Variants in ISCU observed in about 807,000 individuals in gnomAD.
ISCU encodes the protein iron-sulfur cluster assembly enzyme, also known as iron-sulfur cluster assembly enzyme ISCU.
ISCU carries 13 observed loss-of-function variants against 18.4 expected under a neutral mutation model. The ratio of observed to expected loss-of-function variants is 0.71; its 90% confidence interval spans 0.46 to 1.12. ISCU has a LOEUF of 1.12. ISCU is among the 50% of genes most tolerant of loss of function. ISCU has a pLI of 0.00. For synonymous variants in ISCU, 104 were observed against 87.5 expected, an observed-to-expected ratio of 1.19 and a Z score of -1.06; for missense variants, 229 against 208.7, an observed-to-expected ratio of 1.10 and a Z score of -0.60.
At position 108,567,002 on chromosome 12, in the gene ISCU, A is replaced by G. The variant is rs2075358; in HGVS notation, c.340-188A>G. On this transcript the variant is annotated intron_variant, in intron 3 of 4. Coordinates refer to ENST00000311893, the MANE Select transcript of ISCU (RefSeq NM_213595.4). The stretch of plus-strand genomic sequence containing the variant: ...CAGGCAGTGCAGCTGTGTATACTTC[A>G]TGCTTGAGAATCCCAGCTGCAGCTT... 0.23 allele frequency among the ~76,000 whole-genome samples: 34,314 copies of G among 152,108 alleles called. 4,239 individuals are homozygous for G. Among genetic ancestry groups the G allele is most frequent in the East Asian group, 0.49 (2,544 of 5,168 alleles).
In ISCU at chr12:108,562,660, C is replaced by T. The variant is rs751470117; in HGVS notation, c.38C>T (p.Ala13Val). 61 of 1,454,438 alleles carry T rather than the reference C, an allele frequency of 4.2e-5. No individual in the cohort carries two copies. In the East Asian group the frequency reaches 8.1e-4, roughly 19 times the overall value. The allele number at this position is 1,454,438 out of a possible 1,614,324, so 90.1% of individuals were successfully genotyped here. A position where few individuals can be genotyped will look rare whatever the true frequency, so the allele number is the denominator to read the frequency against. ...GGGGCTTTCCGTCTGAGGCGGGCGG[C>T]ATCGGCTCTGCTGCTGCGGAGCCCC... ...AAGAFRLRRA[A>V]SALLLRSPRL... Residue 13 changes from alanine to valine, a missense_variant, in exon 1 of 5, where the codon GCA becomes GTA. Transcript: ENST00000311893.
chr12:108,568,472 A>G, intron 4 of ISCU: 5 of 1,165,744 alleles, frequency 4.3e-6, no homozygotes, highest in Non-Finnish European at 5.3e-6. Flanking sequence ...GGCAAGAAGT[A>G]ACATTTCCTG....
intron 4 of ISCU, 167 bp downstream of exon 4, chr12:108,567,435 C>A: frequency 1.4e-6 from 1 of 737,688 alleles, no homozygotes; most frequent in Non-Finnish European, 2.4e-6. Context: ...CATGGTCTCA[C>A]ATTCATCCCT....
chr12:108,565,728 T>G (rs1269865981), intron 3 of ISCU, among the ~76,000 whole-genome samples: 4 of 152,244 alleles, frequency 2.6e-5, no homozygotes, highest in Non-Finnish European at 5.9e-5. Flanking sequence ...GCTCTTATAA[T>G]TTCTCAAGTC....
At position 108,562,633 on chromosome 12, in the gene ISCU, C is replaced by A. The variant is rs768035762; in HGVS notation, c.11C>A (p.Ala4Asp). 2 of 1,475,392 alleles carry A rather than the reference C, an allele frequency of 1.4e-6. No individual in the cohort carries two copies. Among genetic ancestry groups the A allele is most frequent in the Admixed American group, 2.3e-5 (1 of 43,498 alleles). 91.4% of individuals were successfully genotyped at this position (1,475,392 alleles called of 1,614,324 possible). MAA[A>D]GAFRLRRAAS... ...GCGCAAGCCGGCAAGATGGCGGCGGCTGGGGCTTTCCGTCTGAGGCGGGCG... is the reference window on the plus strand; with the variant it reads ...GCGCAAGCCGGCAAGATGGCGGCGGATGGGGCTTTCCGTCTGAGGCGGGCG... Residue 4 changes from alanine (A) to aspartate (D), a missense_variant, in exon 1 of 5, where the codon GCT becomes GAT. Ala to Asp is a moderately radical substitution (Grantham distance 126, BLOSUM62 -2). Transcript: ENST00000311893.
chr12:108,567,342 T>TTAGA (rs1592793803), intron 4 of ISCU, 74 bp downstream of exon 4: 1 of 1,230,936 alleles, frequency 8.1e-7, no homozygotes, highest in Middle Eastern at 1.9e-4. Context: ...AACAGTCCTT[T>TTAGA]TAGATCATGG....
chr12:108,569,032 C>A lies in ISCU; in HGVS notation c.*116C>A, dbSNP rs572917088. The A allele has an allele frequency of 3.7e-6, 3 of 809,640 alleles. No homozygotes were observed. Among genetic ancestry groups the A allele is most frequent in the South Asian group, 2.9e-5 (2 of 68,490 alleles). 50.2% of individuals were successfully genotyped at this position (809,640 alleles called of 1,614,324 possible). On this transcript the variant is annotated 3_prime_UTR_variant, in exon 5 of 5. Coordinates refer to ENST00000311893, the MANE Select transcript of ISCU (RefSeq NM_213595.4). ...CCACTGAAGAGCTATGAGATACGCA[C>A]AATACTTGCTGTTCACGTTATGACT... is the stretch of plus-strand genomic sequence containing the variant.
intron 4 of ISCU, chr12:108,568,263 G>C: frequency 1.7e-6 from 2 of 1,164,022 alleles, no homozygotes; most frequent in Non-Finnish European, 2.1e-6. Flanking sequence ...TGTCATTCCA[G>C]CTCTCTCAGT....
chr12:108,564,080 A>G (rs760639349), intron 1 of ISCU, 199 bp from the exon 2 acceptor site: 1 of 1,609,806 alleles, frequency 6.2e-7, no homozygotes, highest in South Asian at 1.1e-5. Flanking sequence ...TCTGTGAAGT[A>G]TTGTAGAGGA....
Position 108,569,052 on chromosome 12 carries a change from A to T in ISCU, c.*136A>T. ...ACGCACAATACTTGCTGTTCACGTT[A>T]TGACTCTCATGCAAGCAAAATACAC... On this transcript the variant is annotated 3_prime_UTR_variant, in exon 5 of 5. Coordinates refer to ENST00000311893, the MANE Select transcript of ISCU (RefSeq NM_213595.4). The T allele has an allele frequency of 1.3e-6, 1 of 742,458 alleles. No homozygotes were observed. Among genetic ancestry groups the T allele is most frequent in the Admixed American group, 2.2e-5 (1 of 45,104 alleles). The allele number at this position is 742,458 out of a possible 1,614,324, so 46.0% of individuals were successfully genotyped here.
intron 3 of ISCU, among the ~76,000 whole-genome samples, chr12:108,566,971 C>G (rs2030927787): frequency 6.6e-6 from 1 of 152,174 alleles, no homozygotes; most frequent in Non-Finnish European, 1.5e-5. Flanking sequence ...CTTTGCTTAC[C>G]CAAGCCAGGC....
chr12:108,568,807 CTT>C lies in ISCU; in HGVS notation c.419-23_419-22del. 1.9e-6 allele frequency: 3 copies of C among 1,606,140 alleles called. No individual in the cohort carries two copies. The Admixed American group carries it at 5.1e-5, about 27-fold the overall frequency. ...TTTCTTTCACATCTAGAAACTTAGG[CTT>C]CTTTCCTTCCGTTACTTCCAGTGCT... On this transcript the variant is annotated intron_variant, in intron 4 of 4. Transcript: ENST00000311893.
rs1197274092 is a variant in ISCU at position 108,565,356 on chromosome 12, T to G, written c.264T>G (p.Ala88=). 2 of 1,614,124 alleles carry G rather than the reference T, an allele frequency of 1.2e-6. No individual in the cohort carries two copies. Among genetic ancestry groups the G allele is most frequent in the African/African-American group, 2.7e-5 (2 of 75,046 alleles). ...ATGAAAAGGGGAAGATTGTGGATGC[T>G]AGGTTTAAAACATTTGGCTGTGGTT... ...QVDEKGKIVD[A]RFKTFGCGSA... is the part of the protein sequence containing the mutation. The change falls in exon 3 of 5, where the codon GCT becomes GCG. Residue 88 remains alanine, a synonymous_variant. Coordinates refer to ENST00000311893, the MANE Select transcript of ISCU (RefSeq NM_213595.4).
chr12:108,567,869 G>T (rs764163018), intron 4 of ISCU: 48 of 1,445,020 alleles, frequency 3.3e-5, no homozygotes, highest in African/African-American at 4.2e-5. Context: ...TTTCCAGTTT[G>T]GTCTCTGTAT....
chr12:108,565,430 C>A lies in ISCU; in HGVS notation c.338C>A (p.Thr113Lys), dbSNP rs749241265. ...GCCACTGAATGGGTGAAAGGAAAGA[C>A]GGTAAGGTGGCTCACAAATCTAATG... ...SLATEWVKGKTVEEALTIKNT... is the reference protein window; with the variant it reads ...SLATEWVKGKKVEEALTIKNT... Residue 113 changes from threonine (T) to lysine (K), a missense_variant and splice_region_variant, in exon 3 of 5, where the codon ACG becomes AAG. Coordinates refer to ENST00000311893, the MANE Select transcript of ISCU (RefSeq NM_213595.4). The A allele has an allele frequency of 6.9e-6, 11 of 1,595,830 alleles. No homozygotes were observed. Among genetic ancestry groups the A allele is most frequent in the Non-Finnish European group, 9.5e-6 (11 of 1,163,404 alleles).
chr12:108,568,493 A>G lies in ISCU; in HGVS notation c.419-338A>G, dbSNP rs2031003998. 5.8e-6 allele frequency: 7 copies of G among 1,199,994 alleles called. No homozygotes were observed. In the South Asian group the frequency reaches 9.6e-5, roughly 16 times the overall value. 74.3% of individuals were successfully genotyped at this position (1,199,994 alleles called of 1,614,324 possible). On this transcript the variant is annotated intron_variant, in intron 4 of 4. Transcript: ENST00000311893. ...AAGTAACATTTCCTGTGTCCCTACT[A>G]TGTGTCAGACATCTTCTGTAAGTCC...
Position 108,569,166 on chromosome 12 carries a change from C to T in ISCU, c.*250C>T, listed in dbSNP as rs1232441674. ...TGTATATTTTGAATTGTGTGTATGACCTCAGAACTGAAATTGATAATGAAG... is the reference window on the plus strand; with the variant it reads ...TGTATATTTTGAATTGTGTGTATGATCTCAGAACTGAAATTGATAATGAAG... On this transcript the variant is annotated 3_prime_UTR_variant, in exon 5 of 5. Transcript: ENST00000311893. The T allele has an allele frequency of 2.0e-6, 1 of 504,156 alleles. No individual in the cohort carries two copies. Among genetic ancestry groups the T allele is most frequent in the African/African-American group, 1.9e-5 (1 of 51,760 alleles). The allele number at this position is 504,156 out of a possible 1,614,324, so 31.2% of individuals were successfully genotyped here.
intron 3 of ISCU, among the ~76,000 whole-genome samples, chr12:108,566,711 C>G (rs542345993): frequency 2.6e-5 from 4 of 152,344 alleles, no homozygotes. Flanking sequence ...TTCGGCCTGA[C>G]TCGGCTGTGC....
At position 108,568,401 on chromosome 12, in the gene ISCU, G is replaced by A. The variant is rs928246748; in HGVS notation, c.419-430G>A. The A allele has an allele frequency of 2.7e-6, 3 of 1,093,906 alleles. No homozygotes were observed. In the East Asian group the frequency reaches 2.1e-4, roughly 76 times the overall value. 67.8% of individuals were successfully genotyped at this position (1,093,906 alleles called of 1,614,324 possible). A position where few individuals can be genotyped will look rare whatever the true frequency, so the allele number is the denominator to read the frequency against. On this transcript the variant is annotated intron_variant, in intron 4 of 4. Coordinates refer to ENST00000311893, the MANE Select transcript of ISCU (RefSeq NM_213595.4). ...AGATTGACATGATCTTTTTTCCAAA[G>A]GGCATGTCAACTTTTTTATCATGAC...
Sources: gnomAD v4.1 joint callset for allele counts (sites outside exome capture counted in the v4.1 genomes callset) on GRCh38, gnomAD v4.1.1 for gene constraint, MANE v1.5 for transcripts, NCBI Gene and HGNC (gene_info 2026-07-23, HGNC 2026-07-21) for gene names.